Variants in POGLUT3 observed in about 807,000 individuals in gnomAD.
POGLUT3 encodes protein O-glucosyltransferase 3.
POGLUT3 carries 48 observed loss-of-function variants against 54.3 expected under a neutral mutation model. That is an observed-to-expected ratio of 0.88 (90% CI 0.70 to 1.12). POGLUT3 has a LOEUF of 1.12. POGLUT3 is among the 50% of genes most tolerant of loss of function. The pLI is 0.00. For synonymous variants in POGLUT3, 218 were observed against 237.4 expected, an observed-to-expected ratio of 0.92 and a Z score of 0.75; for missense variants, 629 against 618.7, an observed-to-expected ratio of 1.02 and a Z score of -0.18.
chr11:108,480,226 G>GTCTA (rs1410979552), intron 5 of POGLUT3, among the ~76,000 whole-genome samples: 2 of 152,186 alleles, frequency 1.3e-5, no homozygotes, highest in African/African-American at 4.8e-5. Context: ...CTTATACGCA[G>GTCTA]TCTATGAAAC....
Position 108,486,257 on chromosome 11 carries a change from T to G in POGLUT3, c.584A>C (p.His195Pro), listed in dbSNP as rs997840975. 5.0e-6 allele frequency: 8 copies of G among 1,614,072 alleles called. No homozygotes were observed. Among genetic ancestry groups the G allele is most frequent in the Non-Finnish European group, 6.8e-6 (8 of 1,179,916 alleles). ...AACATGGTTATTGAGAATCGTGTAATGAACAATGGCACCTCTCTCATCCCC... is the reference window on the plus strand; with the variant it reads ...AACATGGTTATTGAGAATCGTGTAAGGAACAATGGCACCTCTCTCATCCCC... The part of the protein sequence containing the change: ...RFGDERGAIV[H>P]YTILNNHVYR... The change falls in exon 3 of 8, where the codon CAT (histidine) becomes CCT (proline). Residue 195 changes from histidine to proline, a missense_variant. Coordinates refer to ENST00000323468, the MANE Select transcript of POGLUT3 (RefSeq NM_153705.5).
rs146937446 is a variant in POGLUT3 at position 108,480,654 on chromosome 11, C to T, written c.1098+526G>A. The stretch of plus-strand genomic sequence containing the variant: ...TTTTGTCACATTGTTCACATCTCTC[C>T]TCTGGGCCTCGTGATAATGCTCTGA... On this transcript the variant is annotated intron_variant, in intron 5 of 7. Coordinates refer to ENST00000323468, the MANE Select transcript of POGLUT3 (RefSeq NM_153705.5). Among the ~76,000 whole-genome samples, 37 of 152,142 alleles carry T rather than the reference C, an allele frequency of 2.4e-4. No homozygotes were observed. The East Asian group carries it at 7.2e-3, about 29-fold the overall frequency.
At chr11:108,481,934 A>G (rs1277008476) in intron 4 of POGLUT3, 72 bp downstream of exon 4, 1 of 1,176,402 alleles carries the variant, frequency 8.5e-7, no homozygotes, top group Non-Finnish European at 1.2e-6. Context: ...TACTGAATGC[A>G]AACATATATG....
intron 2 of POGLUT3, among the ~76,000 whole-genome samples, chr11:108,487,411 C>A (rs1360826633): frequency 6.6e-6 from 1 of 152,214 alleles, no homozygotes; most frequent in East Asian, 1.9e-4. Flanking sequence ...GATGGGGGAA[C>A]AATAAGGTAA....
intron 4 of POGLUT3, among the ~76,000 whole-genome samples, chr11:108,481,716 G>A (rs1384137502): frequency 6.2e-5 from 6 of 96,602 alleles, no homozygotes; most frequent in Non-Finnish European, 1.1e-4. Flanking sequence ...ATGTCGGACC[G>A]TGTTCAAAGC....
chr11:108,486,690 T>G, intron 2 of POGLUT3: 1 of 461,964 alleles, frequency 2.2e-6, no homozygotes, highest in South Asian at 4.4e-5. Flanking sequence ...AGCTCATAAA[T>G]TCATCTCTAA....
In POGLUT3 at chr11:108,490,622, C is replaced by A. The variant is rs555645939; in HGVS notation, c.400+348G>T. On this transcript the variant is annotated intron_variant, in intron 2 of 7. Coordinates refer to ENST00000323468, the MANE Select transcript of POGLUT3 (RefSeq NM_153705.5). ...GCAAAATAAAGTTTTTTCAGACATTCAAAAGCTGGAAGAATTCATCACCAG... is the reference window on the plus strand; with the variant it reads ...GCAAAATAAAGTTTTTTCAGACATTAAAAAGCTGGAAGAATTCATCACCAG... Among the ~76,000 whole-genome samples the A allele has an allele frequency of 1.1e-4, 17 of 152,082 alleles. No homozygotes were observed. The East Asian group carries it at 3.1e-3, about 28-fold the overall frequency.
chr11:108,483,761 C>T (rs2093597130), intron 3 of POGLUT3, among the ~76,000 whole-genome samples: 2 of 152,144 alleles, frequency 1.3e-5, no homozygotes, highest in African/African-American at 4.8e-5. Context: ...CTCTGCCTCT[C>T]AGGTTCAAGT....
intron 3 of POGLUT3, among the ~76,000 whole-genome samples, chr11:108,483,064 CT>C (rs1280068691): frequency 6.6e-6 from 1 of 152,222 alleles, no homozygotes; most frequent in Non-Finnish European, 1.5e-5. Flanking sequence ...ATACTGTAAT[CT>C]GCTCTCCACA....
intron 3 of POGLUT3, among the ~76,000 whole-genome samples, chr11:108,484,657 G>A (rs2093599360): frequency 6.6e-6 from 1 of 152,194 alleles, no homozygotes; most frequent in Admixed American, 6.5e-5. Flanking sequence ...TCAGAAGGCT[G>A]AGGCAGGAGA....
chr11:108,481,341 A>G lies in POGLUT3; in HGVS notation c.937T>C (p.Phe313Leu). Residue 313 changes from phenylalanine to leucine, a missense_variant, in exon 5 of 8, where the codon TTC becomes CTC. Phe to Leu is a conservative substitution (Grantham distance 22). Transcript: ENST00000323468. Reference sequence around the variant, plus strand: ...TCCTCTCGGCTGTCTCTACCTCTGAAGAAAGCTCTCTCTGTTTTATTGATC... The same window carrying G: ...TCCTCTCGGCTGTCTCTACCTCTGAGGAAAGCTCTCTCTGTTTTATTGATC... ...SWINKTERAF[F>L]RGRDSREERL... 1 of 1,593,794 alleles carries G rather than the reference A, an allele frequency of 6.3e-7. No homozygotes were observed.
At chr11:108,481,157 T>C (rs996323684) in intron 5 of POGLUT3, 23 bp downstream of exon 5, 1 of 1,565,258 alleles carries the variant, frequency 6.4e-7, no homozygotes, top group South Asian at 1.2e-5. Flanking sequence ...TTCATATCCA[T>C]AGAAGAAGAC....
intron 6 of POGLUT3, among the ~76,000 whole-genome samples, chr11:108,478,818 C>T (rs1463603955): frequency 6.6e-6 from 1 of 152,112 alleles, no homozygotes; most frequent in African/African-American, 2.4e-5. Flanking sequence ...TAATAAAACG[C>T]AACAGCTTTT....
intron 3 of POGLUT3, among the ~76,000 whole-genome samples, chr11:108,482,522 G>A (rs2093594808): frequency 1.3e-5 from 2 of 152,144 alleles, no homozygotes; most frequent in South Asian, 4.1e-4. Context: ...GGGAGGTTGA[G>A]GCGAGTGGAT....
At position 108,498,241 on chromosome 11, in the gene POGLUT3, G is replaced by C. The variant is rs990026269; in HGVS notation, c.126C>G (p.Ala42=). 1.4e-5 allele frequency: 21 copies of C among 1,510,030 alleles called. 1 individual carries two copies. The Admixed American group carries it at 2.8e-4, about 20-fold the overall frequency. The allele number at this position is 1,510,030 out of a possible 1,614,324, so 93.5% of individuals were successfully genotyped here. The part of the protein sequence containing the change: ...SLVWGPGLQA[A]VVLPVRYFYL... Reference sequence around the variant, plus strand: ...AGAAATAGCGGACCGGCAGGACGACGGCCGCCTGCAGCCCGGGCCCCCACA... The same window carrying C: ...AGAAATAGCGGACCGGCAGGACGACCGCCGCCTGCAGCCCGGGCCCCCACA... Residue 42 remains alanine (A), a synonymous_variant, in exon 1 of 8, where the codon GCC becomes GCG. Coordinates refer to ENST00000323468, the MANE Select transcript of POGLUT3 (RefSeq NM_153705.5).
intron 1 of POGLUT3, among the ~76,000 whole-genome samples, chr11:108,493,389 T>C (rs1460901139): frequency 6.6e-6 from 1 of 152,202 alleles, no homozygotes; most frequent in Non-Finnish European, 1.5e-5. Flanking sequence ...GGATCAGGAC[T>C]GAAACAGAAA....
intron 6 of POGLUT3, 101 bp from the exon 7 acceptor site, chr11:108,477,812 C>T (rs1209581416): frequency 5.1e-6 from 4 of 777,498 alleles, no homozygotes; most frequent in Non-Finnish European, 9.1e-6. Flanking sequence ...TGAAAGTGAA[C>T]AGCATGGGAA....
intron 1 of POGLUT3, among the ~76,000 whole-genome samples, chr11:108,496,116 C>T (rs983930207): frequency 6.6e-6 from 1 of 152,036 alleles, no homozygotes; most frequent in Non-Finnish European, 1.5e-5. Flanking sequence ...TAATCCAGCT[C>T]AGTGCCTGTT....
rs544788631 is a variant in POGLUT3 at position 108,486,165 on chromosome 11, T to A, written c.676A>T (p.Thr226Ser). Reference sequence around the variant, plus strand: ...TTCATTCATTCTCCTACCTTTCTTGTCAATGATAACAAAATCTCATCAGAG... The same window carrying A: ...TTCATTCATTCTCCTACCTTTCTTGACAATGATAACAAAATCTCATCAGAG... ...MFSDEILLSLTRKVLLPDLEF... is the reference protein window; with the variant it reads ...MFSDEILLSLSRKVLLPDLEF... The change falls in exon 3 of 8, where the codon ACA becomes TCA. Residue 226 changes from threonine (T) to serine (S), a missense_variant. Transcript: ENST00000323468. 6.2e-7 allele frequency: 1 copy of A among 1,604,808 alleles called. No individual in the cohort carries two copies. The highest frequency in any genetic ancestry group is 1.3e-5 in the African/African-American group (1 of 74,798).
Sources: allele counts gnomAD v4.1 joint callset (sites outside exome capture counted in the v4.1 genomes callset), GRCh38; gene constraint gnomAD v4.1.1; transcripts MANE v1.5; gene names NCBI Gene and HGNC (gene_info 2026-07-23, HGNC 2026-07-21).